The following GLG1 variants were observed in gnomAD, a reference collection of about 807,000 sequenced individuals.
GLG1 encodes Golgi apparatus protein 1.
A neutral mutation model predicts 160.5 loss-of-function variants in GLG1; 38 were observed. The ratio of observed to expected loss-of-function variants is 0.24; its 90% CI spans 0.18 to 0.31. The LOEUF is 0.31. Ranked by LOEUF, GLG1 falls within the 10% of genes least tolerant of loss-of-function variation. The pLI is 1.00. For missense variants in GLG1, 1,373 were observed against 1,505.2 expected, an observed-to-expected ratio of 0.91 and a Z score of 1.45; for synonymous variants, 644 against 543.4, an observed-to-expected ratio of 1.19 and a Z score of -2.57.
At chr16:74,487,914 TTATACACC>T (rs148340460) in intron 8 of GLG1, among the ~76,000 whole-genome samples, 2,126 of 152,180 alleles carry the variant, frequency 0.014, 42 homozygotes, top group African/African-American at 0.049. Flanking sequence ...TGCTACATGA[TTATACACC>T]TATTCCAGCC....
At chr16:74,504,935 A>G (rs1251021159) in intron 3 of GLG1, among the ~76,000 whole-genome samples, 3 of 152,258 alleles carry the variant, frequency 2.0e-5, no homozygotes, top group Non-Finnish European at 4.4e-5. Flanking sequence ...CTTAAATTAT[A>G]AAACAGAGAA....
chr16:74,506,405 C>T (rs1409171979), intron 3 of GLG1, among the ~76,000 whole-genome samples: 1 of 150,718 alleles, frequency 6.6e-6, no homozygotes, highest in Admixed American at 6.6e-5. Context: ...AGTGAAACCC[C>T]ATCTCTACTA....
intron 10 of GLG1, among the ~76,000 whole-genome samples, chr16:74,481,041 C>G (rs1202634521): frequency 6.6e-6 from 1 of 152,132 alleles, no homozygotes; most frequent in African/African-American, 2.4e-5. Context: ...AAACAGAAAA[C>G]TAGAGTTATA....
At chr16:74,596,504 G>A (rs1287836214) in intron 1 of GLG1, among the ~76,000 whole-genome samples, 4 of 152,144 alleles carry the variant, frequency 2.6e-5, no homozygotes, top group East Asian at 1.9e-4. Context: ...ACTCCAGCCT[G>A]GGCCACAAGA....
rs201693911 is a variant in GLG1 at position 74,529,809 on chromosome 16, G to GTTTTTTTTTTTTTTT, written c.471+2311_471+2312insAAAAAAAAAAAAAAA. Among the ~76,000 whole-genome samples the GTTTTTTTTTTTTTTT allele has an allele frequency of 7.7e-5, 8 of 104,104 alleles. 2 individuals carry two copies. Among genetic ancestry groups the GTTTTTTTTTTTTTTT allele is most frequent in the Admixed American group, 2.6e-4 (2 of 7,748 alleles). The allele number at this position is 104,104 out of a possible 152,430, so 68.3% of individuals were successfully genotyped here. ...CTTCCTATTCCTTGGCTCTTTGAGA[G>GTTTTTTTTTTTTTTT]TTCTTTTTTTTTTTTTTTTTTTTTT... On this transcript the variant is annotated intron_variant, in intron 2 of 25. Transcript: ENST00000422840.
chr16:74,521,150 C>G (rs1010786347), intron 2 of GLG1, among the ~76,000 whole-genome samples: 1 of 152,090 alleles, frequency 6.6e-6, no homozygotes, highest in Non-Finnish European at 1.5e-5. Context: ...TTCTGAGTAT[C>G]TGAAGAATAG....
intron 1 of GLG1, among the ~76,000 whole-genome samples, chr16:74,606,054 G>C (rs1958557837): frequency 6.6e-6 from 1 of 152,148 alleles, no homozygotes; most frequent in Non-Finnish European, 1.5e-5. Flanking sequence ...CACAAACACA[G>C]CTTCAAACGC....
intron 13 of GLG1, 127 bp from the exon 14 acceptor site, chr16:74,472,538 T>C: frequency 2.1e-6 from 3 of 1,446,538 alleles, no homozygotes; most frequent in Non-Finnish European, 1.9e-6. Flanking sequence ...TTGGAAACGA[T>C]TCTAGTATTT....
intron 16 of GLG1, chr16:74,469,293 G>A: frequency 1.8e-6 from 1 of 568,276 alleles, no homozygotes; most frequent in Non-Finnish European, 3.2e-6. Flanking sequence ...CTGACAGAAG[G>A]GGAAGCCACA....
rs907224819 is a variant in GLG1, at chr16:74,565,103, C to T, written c.439-32950G>A. Among the ~76,000 whole-genome samples, 4 of 152,104 alleles carry T rather than the reference C, an allele frequency of 2.6e-5. No individual in the cohort carries two copies. In the East Asian group the frequency reaches 7.7e-4, roughly 29 times the overall value. On this transcript the variant is annotated intron_variant, in intron 1 of 25. Coordinates refer to ENST00000422840, the MANE Select transcript of GLG1 (RefSeq NM_001145667.2). ...CCTGTAATCCCAACACTTTGGGAGG[C>T]TGAGATGAGCAAATCACTGGATGTC...
intron 1 of GLG1, among the ~76,000 whole-genome samples, chr16:74,563,924 CTTTTAT>C (rs1414206205): frequency 2.0e-5 from 3 of 151,968 alleles, no homozygotes; most frequent in Non-Finnish European, 4.4e-5. Context: ...GTTGCTGACA[CTTTTAT>C]TTTTATTCTT....
chr16:74,472,502 A>C, intron 13 of GLG1, 91 bp from the exon 14 acceptor site: 1 of 1,339,378 alleles, frequency 7.5e-7, no homozygotes, highest in Non-Finnish European at 1.0e-6. Context: ...GTAATATCTG[A>C]TGGGCAAATA....
chr16:74,573,772 G>C (rs1418779642), intron 1 of GLG1, among the ~76,000 whole-genome samples: 1 of 150,150 alleles, frequency 6.7e-6, no homozygotes, highest in Non-Finnish European at 1.5e-5. Context: ...ACATGTGTGA[G>C]CCACCTGGCC....
chr16:74,496,552 T>A lies in GLG1; in HGVS notation c.867A>T (p.Glu289Asp). ...CCCGGAGAATGGCTTTCTTGCAGAG[T>A]TCAGAAACTTGAATCTTGGGTTCTC... is the stretch of plus-strand genomic sequence containing the variant. Reference protein sequence around the residue: ...EEREPKIQVSELCKKAILRVA... With the variant: ...EEREPKIQVSDLCKKAILRVA... The change falls in exon 5 of 26, where the codon GAA (glutamate) becomes GAT (aspartate). Residue 289 changes from glutamate (E) to aspartate (D), a missense_variant. Physicochemically the swap from Glu to Asp is conservative, Grantham distance 45. Coordinates refer to ENST00000422840, the MANE Select transcript of GLG1 (RefSeq NM_001145667.2). The A allele has an allele frequency of 6.2e-7, 1 of 1,613,144 alleles. No individual in the cohort carries two copies. The highest frequency in any genetic ancestry group is 8.5e-7 in the Non-Finnish European group (1 of 1,179,476).
At chr16:74,573,800 T>TC (rs1441446314) in intron 1 of GLG1, among the ~76,000 whole-genome samples, 1 of 145,138 alleles carries the variant, frequency 6.9e-6, no homozygotes, top group Non-Finnish European at 1.5e-5. Context: ...TCTAGCGTCT[T>TC]TTTTTTTTTT....
chr16:74,577,480 C>A (rs2019037810), intron 1 of GLG1, among the ~76,000 whole-genome samples: 1 of 147,822 alleles, frequency 6.8e-6, no homozygotes, highest in African/African-American at 2.5e-5. Context: ...AGCAATGGCA[C>A]CATTGCACTC....
At position 74,489,771 on chromosome 16, in the gene GLG1, G is replaced by A. The variant is rs186380893; in HGVS notation, c.1449+1230C>T. 1.9e-3 allele frequency among the ~76,000 whole-genome samples: 283 copies of A among 151,876 alleles called. 1 individual carries two copies. The highest frequency in any genetic ancestry group is 0.014 in the Admixed American group (213 of 15,254). On this transcript the variant is annotated intron_variant, in intron 8 of 25. Coordinates refer to ENST00000422840, the MANE Select transcript of GLG1 (RefSeq NM_001145667.2). The stretch of plus-strand genomic sequence containing the variant: ...GGGATGCATAGACACGCATGCGTGC[G>A]CACACACACACACAGACACACGTGC...
chr16:74,532,967 G>A (rs1240783260), intron 1 of GLG1, among the ~76,000 whole-genome samples: 3 of 152,108 alleles, frequency 2.0e-5, no homozygotes, highest in African/African-American at 7.2e-5. Context: ...AAAAACATTT[G>A]GAAATATATT....
chr16:74,453,853 C>T (rs1254475762), intron 25 of GLG1, among the ~76,000 whole-genome samples: 1 of 150,930 alleles, frequency 6.6e-6, no homozygotes, highest in Non-Finnish European at 1.5e-5. Context: ...CATCGTTTTA[C>T]ATATTCTATA....
Sources: gnomAD v4.1 joint callset for allele counts (sites outside exome capture counted in the v4.1 genomes callset) on GRCh38, gnomAD v4.1.1 for gene constraint, MANE v1.5 for transcripts, NCBI Gene and HGNC (gene_info 2026-07-23, HGNC 2026-07-21) for gene names.